NR3C1: variants seen among roughly 807,000 people sequenced by gnomAD.
NR3C1 encodes the protein glucocorticoid receptor.
A neutral mutation model predicts 74.0 loss-of-function variants in NR3C1; 14 were observed. The observed-to-expected ratio is 0.19, with a 90% CI of 0.12 to 0.30. The LOEUF (loss-of-function observed/expected upper bound fraction) is 0.30. Among genes scored for constraint, NR3C1 ranks in the 10% least tolerant of loss-of-function variants. The pLI is 1.00. For missense variants in NR3C1, 695 were observed against 909.8 expected (o/e 0.76, Z 3.04); for synonymous variants, 308 against 332.5 (o/e 0.93, Z 0.80).
chr5:143,296,028 C>G (rs180895486), intron 6 of NR3C1, among the ~76,000 whole-genome samples: 27 of 152,338 alleles, frequency 1.8e-4, no homozygotes, highest in African/African-American at 6.0e-4. Flanking sequence ...ATGTGTGACA[C>G]TGTTCACAGT....
At chr5:143,351,123 A>G (rs553759528) in intron 2 of NR3C1, among the ~76,000 whole-genome samples, 19 of 152,314 alleles carry the variant, frequency 1.2e-4, no homozygotes, top group Non-Finnish European at 2.4e-4. Flanking sequence ...GTAATGACTC[A>G]TATAACTGCC....
chr5:143,395,719 T>C (rs989654602), intron 2 of NR3C1, among the ~76,000 whole-genome samples: 1 of 151,910 alleles, frequency 6.6e-6, no homozygotes, highest in South Asian at 2.1e-4. Flanking sequence ...TCAGACCTTG[T>C]CTAAGCTTAA....
chr5:143,389,575 G>A (rs1837877001), intron 2 of NR3C1, among the ~76,000 whole-genome samples: 1 of 152,068 alleles, frequency 6.6e-6, no homozygotes, highest in Non-Finnish European at 1.5e-5. Flanking sequence ...ACATGTCTGT[G>A]GGACCCCCAA....
intron 2 of NR3C1, among the ~76,000 whole-genome samples, chr5:143,316,960 AATGGATTGAT>A (rs1301868907): frequency 1.3e-5 from 2 of 152,166 alleles, no homozygotes; most frequent in Admixed American, 6.5e-5. Flanking sequence ...AAAATGAACA[AATGGATTGAT>A]AGTACAGTAG....
chr5:143,323,501 A>T (rs1189720095), intron 2 of NR3C1, among the ~76,000 whole-genome samples: 1 of 151,952 alleles, frequency 6.6e-6, no homozygotes, highest in Non-Finnish European at 1.5e-5. Flanking sequence ...CCCACAACAC[A>T]TGGGAATTCT....
chr5:143,324,297 G>A (rs1320749095), intron 2 of NR3C1, among the ~76,000 whole-genome samples: 1 of 152,224 alleles, frequency 6.6e-6, no homozygotes, highest in African/African-American at 2.4e-5. Flanking sequence ...AATCTAGGCA[G>A]AGGTTCCCAA....
intron 2 of NR3C1, among the ~76,000 whole-genome samples, chr5:143,336,948 A>C (rs926012884): frequency 2.0e-5 from 3 of 151,882 alleles, no homozygotes; most frequent in African/African-American, 7.2e-5. Context: ...GCTGCACTCC[A>C]GCCTGGGTGA....
chr5:143,433,600 T>C (rs1413642546), intron 1 of NR3C1: 5 of 151,878 alleles, frequency 3.3e-5, no homozygotes, highest in Admixed American at 1.3e-4. Flanking sequence ...TTACCTGATC[T>C]GTAAGCCTCT....
intron 2 of NR3C1, among the ~76,000 whole-genome samples, chr5:143,352,041 G>A (rs935079502): frequency 5.9e-5 from 9 of 152,156 alleles, no homozygotes; most frequent in Admixed American, 1.3e-4. Context: ...AATTTTAGGG[G>A]TAGCTTAATC....
At chr5:143,285,127 A>G (rs962658854) in intron 7 of NR3C1, among the ~76,000 whole-genome samples, 2 of 151,544 alleles carry the variant, frequency 1.3e-5, no homozygotes, top group South Asian at 4.2e-4. Context: ...ACACAAAGAA[A>G]GGCCTCCAGA....
At chr5:143,301,077 T>C (rs896045274) in intron 4 of NR3C1, among the ~76,000 whole-genome samples, 3 of 152,172 alleles carry the variant, frequency 2.0e-5, no homozygotes, top group African/African-American at 4.8e-5. Flanking sequence ...TAAATTCTTC[T>C]ATAAATTATT....
chr5:143,385,008 C>G (rs1195870505), intron 2 of NR3C1, among the ~76,000 whole-genome samples: 1 of 152,240 alleles, frequency 6.6e-6, no homozygotes, highest in Non-Finnish European at 1.5e-5. Context: ...GAAATCAAGG[C>G]AGAGGCTTTC....
chr5:143,290,815 GC>G (rs1815732667), intron 7 of NR3C1, among the ~76,000 whole-genome samples: 1 of 149,970 alleles, frequency 6.7e-6, no homozygotes, highest in Admixed American at 6.6e-5. Context: ...TCTGCCCACA[GC>G]CTCCCAAAGT....
At chr5:143,410,674 T>C (rs1841261122) in intron 1 of NR3C1, among the ~76,000 whole-genome samples, 1 of 152,228 alleles carries the variant, frequency 6.6e-6, no homozygotes, top group Non-Finnish European at 1.5e-5. Flanking sequence ...CAGGAAGTAA[T>C]GTAGGCCTTA....
At position 143,279,201 on chromosome 5, in the gene NR3C1, C is replaced by A; in HGVS notation, c.*2688G>T. ...CATAATTAAGATGACTTTCTTTTCCCCCACGTATCCTAAAAGGGCACAGCT... is the reference window on the plus strand; with the variant it reads ...CATAATTAAGATGACTTTCTTTTCCACCACGTATCCTAAAAGGGCACAGCT... On this transcript the variant is annotated 3_prime_UTR_variant, in exon 9 of 9. Transcript: ENST00000394464. The A allele has an allele frequency of 1.4e-6, 1 of 734,410 alleles. No individual in the cohort carries two copies. The highest frequency in any genetic ancestry group is 2.1e-6 in the Non-Finnish European group (1 of 469,124). 45.5% of individuals were successfully genotyped at this position (734,410 alleles called of 1,614,324 possible). A position where few individuals can be genotyped will look rare whatever the true frequency, so the allele number is the denominator to read the frequency against.
intron 2 of NR3C1, among the ~76,000 whole-genome samples, chr5:143,377,129 C>T (rs974141830): frequency 1.3e-5 from 2 of 152,154 alleles, no homozygotes; most frequent in African/African-American, 4.8e-5. Flanking sequence ...AGAAATACCC[C>T]TTACTCCTCA....
chr5:143,372,122 TTC>T (rs1380109181), intron 2 of NR3C1, among the ~76,000 whole-genome samples: 1 of 152,214 alleles, frequency 6.6e-6, no homozygotes, highest in African/African-American at 2.4e-5. Flanking sequence ...CAGCACGCAT[TTC>T]TTTTTCATTC....
rs1840765074 is a variant in NR3C1 at position 143,403,547 on chromosome 5, CGG to C, written c.-352_-351del. 4 of 985,772 alleles carry C rather than the reference CGG, an allele frequency of 4.1e-6. No homozygotes were observed. Among genetic ancestry groups the C allele is most frequent in the Non-Finnish European group, 2.4e-6 (2 of 830,268 alleles). The allele number at this position is 985,772 out of a possible 1,614,324, so 61.1% of individuals were successfully genotyped here. A position where few individuals can be genotyped will look rare whatever the true frequency, so the allele number is the denominator to read the frequency against. ...ACAGAATCCGTCCCCGACGGGCAGG[CGG>C]TGACTCGGGCTCCCGTCACAGACAC... is the stretch of plus-strand genomic sequence containing the variant. On this transcript the variant is annotated 5_prime_UTR_variant, in exon 1 of 9. Coordinates refer to ENST00000394464, the MANE Select transcript of NR3C1 (RefSeq NM_000176.3).
In NR3C1 at chr5:143,396,787, T is replaced by G. The variant is rs75262986; in HGVS notation, c.1184+2869A>C. Among the ~76,000 whole-genome samples, 155 of 151,888 alleles carry G rather than the reference T, an allele frequency of 1.0e-3. 3 individuals are homozygous for G. In the East Asian group the frequency reaches 0.022, roughly 22 times the overall value. ...CTCCCTTCAGGATACGAACAATTTTTTAACACTAAAATTTCAACATAATCC... is the reference window on the plus strand; with the variant it reads ...CTCCCTTCAGGATACGAACAATTTTGTAACACTAAAATTTCAACATAATCC... On this transcript the variant is annotated intron_variant, in intron 2 of 8. Coordinates refer to ENST00000394464, the MANE Select transcript of NR3C1 (RefSeq NM_000176.3).
Sources: allele counts gnomAD v4.1 joint callset (sites outside exome capture counted in the v4.1 genomes callset), GRCh38; gene constraint gnomAD v4.1.1; transcripts MANE v1.5; gene names NCBI Gene and HGNC (gene_info 2026-07-23, HGNC 2026-07-21).